SDHA: variants seen among roughly 807,000 people sequenced by gnomAD.
The protein encoded by SDHA is succinate dehydrogenase [ubiquinone] flavoprotein subunit, mitochondrial.
In SDHA, 48 loss-of-function variants were observed where a neutral mutation model predicts 78.4. The observed-to-expected ratio is 0.61, with a 90% CI of 0.49 to 0.78. SDHA has a LOEUF of 0.78. SDHA is among the 30% of genes least tolerant of loss of function. SDHA has a pLI of 0.00. For synonymous variants in SDHA, 326 were observed against 353.9 expected (o/e 0.92, Z 0.88); for missense variants, 680 against 892.7 (o/e 0.76, Z 3.04).
chr5:261,665 G>C (rs1737485789), downstream of SDHA, among the ~76,000 whole-genome samples: 1 of 85,644 alleles, frequency 1.2e-5, no homozygotes, highest in South Asian at 3.5e-4. Flanking sequence ...TACCGTGTGA[G>C]CTCCGCCTCC....
chr5:239,060 G>A (rs10075018), intron 10 of SDHA, among the ~76,000 whole-genome samples: 29,753 of 143,048 alleles, frequency 0.21, 5,141 homozygotes, highest in African/African-American at 0.48. Context: ...TCAAAAGGAA[G>A]AGAAACACCA....
chr5:235,482 A>G (rs1735721273), intron 9 of SDHA, 143 bp downstream of exon 9: 1 of 836,238 alleles, frequency 1.2e-6, no homozygotes, highest in Non-Finnish European at 2.0e-6. Flanking sequence ...ATTGCACTTT[A>G]AATTTCTATT....
At chr5:223,026 C>T (rs1287272610) in intron 1 of SDHA, among the ~76,000 whole-genome samples, 6 of 152,144 alleles carry the variant, frequency 3.9e-5, no homozygotes, top group African/African-American at 1.4e-4. Flanking sequence ...TTGAACTGAC[C>T]ACAAGCCCTC....
intron 11 of SDHA, among the ~76,000 whole-genome samples, chr5:243,739 G>A (rs1465299575): frequency 2.0e-5 from 3 of 152,162 alleles, no homozygotes; most frequent in East Asian, 1.9e-4. Flanking sequence ...TGCTAATCCC[G>A]ATTGCCAGGC....
At chr5:229,196 G>A (rs1735229139) in intron 6 of SDHA, among the ~76,000 whole-genome samples, 1 of 152,186 alleles carries the variant, frequency 6.6e-6, no homozygotes. Flanking sequence ...AACTATTACG[G>A]AAAACTCTGG....
rs371056571 is a variant in SDHA, at chr5:251,031, G to A, written c.1591G>A (p.Val531Met). The A allele has an allele frequency of 2.5e-5, 41 of 1,611,924 alleles. No individual in the cohort carries two copies. Among genetic ancestry groups the A allele is most frequent in the African/African-American group, 2.4e-4 (18 of 74,992 alleles). The change falls in exon 12 of 15, where the codon GTG becomes ATG. Residue 531 changes from valine (V) to methionine (M), a missense_variant. Coordinates refer to ENST00000264932, the MANE Select transcript of SDHA (RefSeq NM_004168.4). Reference sequence around the variant, plus strand: ...TGCTGCCGTGTTCCGTGTGGGAAGCGTGTTGCAAGAAGGTTGTGGGAAAAT... The same window carrying A: ...TGCTGCCGTGTTCCGTGTGGGAAGCATGTTGCAAGAAGGTTGTGGGAAAAT... ...NHAAVFRVGS[V>M]LQEGCGKISK... is the part of the protein sequence containing the mutation.
chr5:237,378 G>A (rs1312913208), intron 10 of SDHA, among the ~76,000 whole-genome samples: 1 of 134,236 alleles, frequency 7.4e-6, no homozygotes, highest in African/African-American at 3.6e-5. Context: ...ACAGTGAACA[G>A]GATTCCCACC....
rs140154313 is a variant in SDHA, at chr5:235,713, G to T, written c.1260+374G>T. On this transcript the variant is annotated intron_variant, in intron 9 of 14. Coordinates refer to ENST00000264932, the MANE Select transcript of SDHA (RefSeq NM_004168.4). ...TTAGGCTCCTTGTTGGGCGAGGTGG[G>T]TGGAAGCTGTTGCTCTCCCTGCGTA... 1.7e-3 allele frequency: 595 copies of T among 359,422 alleles called. 1 individual carries two copies. Among genetic ancestry groups the T allele is most frequent in the African/African-American group, 0.012 (547 of 47,102 alleles). 22.3% of individuals were successfully genotyped at this position (359,422 alleles called of 1,614,324 possible). A position where few individuals can be genotyped will look rare whatever the true frequency, so the allele number is the denominator to read the frequency against.
At chr5:236,734 C>T in intron 10 of SDHA, 135 bp downstream of exon 10, 2 of 847,144 alleles carry the variant, frequency 2.4e-6, no homozygotes, top group Non-Finnish European at 3.8e-6. Flanking sequence ...ACCTCCCGGG[C>T]TCAAGCAGTC....
chr5:262,235 CGTGTGAGCTCCG>C, the SDHA span, among the ~76,000 whole-genome samples: 21 of 35,878 alleles, frequency 5.9e-4, 1 homozygote, highest in African/African-American at 1.1e-3. Context: ...AGAGCATTAC[CGTGTGAGCTCCG>C]CCTCCCGTCA....
chr5:225,534 C>T lies in SDHA; in HGVS notation c.428C>T (p.Thr143Met), dbSNP rs200675907. 12 of 1,613,772 alleles carry T rather than the reference C, an allele frequency of 7.4e-6. No homozygotes were observed. The highest frequency in any genetic ancestry group is 2.2e-5 in the South Asian group (2 of 91,050). ...LGDQDAIHYM[T>M]EQAPAAVVEL... Reference sequence around the variant, plus strand: ...GACCAGGATGCCATCCACTACATGACGGAGCAGGCCCCCGCCGCCGTGGTC... The same window carrying T: ...GACCAGGATGCCATCCACTACATGATGGAGCAGGCCCCCGCCGCCGTGGTC... Residue 143 changes from threonine to methionine, a missense_variant, in exon 4 of 15, where the codon ACG becomes ATG. Thr to Met is a moderately conservative substitution (Grantham distance 81). Coordinates refer to ENST00000264932, the MANE Select transcript of SDHA (RefSeq NM_004168.4).
chr5:260,015 A>G (rs367764593), downstream of SDHA, among the ~76,000 whole-genome samples: 574 of 26,750 alleles, frequency 0.021, 38 homozygotes, highest in Non-Finnish European at 0.027. Context: ...CCGCCTCCCC[A>G]CAGAGCATTA....
chr5:247,823 TCTAG>T, intron 11 of SDHA, among the ~76,000 whole-genome samples: 1 of 152,346 alleles, frequency 6.6e-6, no homozygotes. Context: ...CTAGCCAAGC[TCTAG>T]CTACATTTTT....
At chr5:258,524 G>T (rs1241672537), downstream of SDHA, among the ~76,000 whole-genome samples, 10 of 116,612 alleles carry the variant, frequency 8.6e-5, no homozygotes, top group Non-Finnish European at 1.3e-4. Context: ...CCCTGCCAGA[G>T]CATTACTGTG....
At chr5:239,324 AAGCCAAGGCAGGT>A (rs1277392328) in intron 10 of SDHA, among the ~76,000 whole-genome samples, 1 of 152,168 alleles carries the variant, frequency 6.6e-6, no homozygotes, top group East Asian at 1.9e-4. Context: ...GCACTTTGGG[AAGCCAAGGCAGGT>A]GGCTCACCTG....
chr5:220,647 A>AG (rs55674434), intron 1 of SDHA, among the ~76,000 whole-genome samples: 1 of 151,764 alleles, frequency 6.6e-6, no homozygotes, highest in Non-Finnish European at 1.5e-5. Context: ...GTCTTTAGAT[A>AG]GGGGGGCAAG....
At chr5:236,774 T>G (rs1735815282) in intron 10 of SDHA, among the ~76,000 whole-genome samples, 175 bp downstream of exon 10, 1 of 152,174 alleles carries the variant, frequency 6.6e-6, no homozygotes, top group African/African-American at 2.4e-5. Context: ...GAGTCCCAAG[T>G]AGCTGGGACT....
chr5:230,247 A>G (rs1735310193), intron 6 of SDHA, among the ~76,000 whole-genome samples: 1 of 152,118 alleles, frequency 6.6e-6, no homozygotes, highest in South Asian at 2.1e-4. Flanking sequence ...TCTGGGGGAG[A>G]AAAAAATCCA....
intron 9 of SDHA, 160 bp from the exon 10 acceptor site, chr5:236,268 C>G (rs555604427): frequency 1.4e-6 from 1 of 720,406 alleles, no homozygotes; most frequent in African/African-American, 1.7e-5. Context: ...CAGGTGATCA[C>G]CCACCTCAGC....
Sources: allele counts gnomAD v4.1 joint callset (sites outside exome capture counted in the v4.1 genomes callset), GRCh38; gene constraint gnomAD v4.1.1; transcripts MANE v1.5; gene names NCBI Gene and HGNC (gene_info 2026-07-23, HGNC 2026-07-21).